Variants in PLXNA4 observed in about 807,000 individuals in gnomAD.
The protein encoded by PLXNA4 is plexin-A4.
PLXNA4 carries 44 observed loss-of-function variants against 191.8 expected under a neutral mutation model. The ratio of observed to expected loss-of-function variants is 0.23; its 90% CI spans 0.18 to 0.29. The LOEUF is 0.29. PLXNA4 is among the 10% of genes least tolerant of loss of function. PLXNA4 has a pLI of 1.00. For synonymous variants in PLXNA4, 1,082 were observed against 1,009.5 expected (o/e 1.07, Z -1.36); for missense variants, 1,800 against 2,488.8 (o/e 0.72, Z 5.89).
chr7:132,314,345 G>A (rs1311776508), intron 3 of PLXNA4, among the ~76,000 whole-genome samples: 1 of 152,136 alleles, frequency 6.6e-6, no homozygotes, highest in Non-Finnish European at 1.5e-5. Context: ...TTCCCACACT[G>A]ACCTAAGACT....
intron 1 of PLXNA4, among the ~76,000 whole-genome samples, chr7:132,541,271 C>T (rs1800069713): frequency 6.6e-6 from 1 of 152,194 alleles, no homozygotes; most frequent in African/African-American, 2.4e-5. Flanking sequence ...TTCCCCCTCC[C>T]CATAAGAGTA....
chr7:132,205,489 G>A (rs915940815), intron 10 of PLXNA4, among the ~76,000 whole-genome samples: 3 of 152,134 alleles, frequency 2.0e-5, no homozygotes, highest in African/African-American at 7.2e-5. Flanking sequence ...CTCCTTCCTT[G>A]TGTGTGTTTG....
At chr7:132,395,425 C>T (rs1793714771) in intron 3 of PLXNA4, among the ~76,000 whole-genome samples, 1 of 152,126 alleles carries the variant, frequency 6.6e-6, no homozygotes, top group African/African-American at 2.4e-5. Context: ...TGGGAGGGAC[C>T]CCAGAGAGAG....
intron 10 of PLXNA4, 30 bp downstream of exon 10, chr7:132,210,913 T>A: frequency 1.2e-6 from 2 of 1,600,356 alleles, no homozygotes; most frequent in Non-Finnish European, 1.7e-6. Flanking sequence ...TGGGGCCTGG[T>A]TTGGCAGTGG....
chr7:132,537,272 C>T (rs757215081), intron 1 of PLXNA4, among the ~76,000 whole-genome samples: 1 of 152,206 alleles, frequency 6.6e-6, no homozygotes, highest in Non-Finnish European at 1.5e-5. Context: ...CACCAGACTC[C>T]CCTCTAAGGC....
At chr7:132,140,300 A>G (rs1023841225) in intron 30 of PLXNA4, among the ~76,000 whole-genome samples, 2 of 151,386 alleles carry the variant, frequency 1.3e-5, no homozygotes, top group African/African-American at 4.9e-5. Context: ...GGTGAAGATC[A>G]GAGCTGGGAG....
chr7:132,166,770 G>A (rs749993241), intron 22 of PLXNA4, among the ~76,000 whole-genome samples: 23 of 152,080 alleles, frequency 1.5e-4, no homozygotes, highest in Non-Finnish European at 2.9e-4. Context: ...GTCGGTGGGA[G>A]CTCTGGCAGG....
At chr7:132,604,365 G>A (rs891288779) in intron 2 of PLXNA4, among the ~76,000 whole-genome samples, 9 of 152,074 alleles carry the variant, frequency 5.9e-5, no homozygotes, top group South Asian at 2.1e-4. Context: ...ATAGATATAC[G>A]GACAGGAAAC....
intron 2 of PLXNA4, among the ~76,000 whole-genome samples, chr7:132,623,116 G>A (rs1457910161): frequency 5.3e-5 from 8 of 152,112 alleles, no homozygotes; most frequent in African/African-American, 1.7e-4. Flanking sequence ...TGGCTGAGGC[G>A]GGTGGATCAC....
intron 3 of PLXNA4, among the ~76,000 whole-genome samples, chr7:132,413,137 C>G (rs945424089): frequency 6.6e-6 from 1 of 152,196 alleles, no homozygotes; most frequent in Non-Finnish European, 1.5e-5. Flanking sequence ...CTATTCTTCC[C>G]TGAGTGTTAC....
chr7:132,602,943 G>C (rs1802849355), intron 2 of PLXNA4, among the ~76,000 whole-genome samples: 1 of 152,156 alleles, frequency 6.6e-6, no homozygotes, highest in Non-Finnish European at 1.5e-5. Flanking sequence ...GAAAAAGAAA[G>C]AGAACTTCTC....
At position 132,414,791 on chromosome 7, in the gene PLXNA4, T is replaced by C. The variant is rs111991467; in HGVS notation, c.1371+74501A>G. On this transcript the variant is annotated intron_variant, in intron 3 of 31. Transcript: ENST00000321063. ...ATCATGAGAGGCATAGGATGTGCTA[T>C]GAGTTCCATGGAAACATGGCACCCA... is the stretch of plus-strand genomic sequence containing the variant. 6.1e-3 allele frequency among the ~76,000 whole-genome samples: 930 copies of C among 152,316 alleles called. 5 individuals carry two copies. The highest frequency in any genetic ancestry group is 7.9e-3 in the Non-Finnish European group (535 of 68,028).
chr7:132,439,859 T>C (rs1224047127), intron 3 of PLXNA4, among the ~76,000 whole-genome samples: 1 of 152,196 alleles, frequency 6.6e-6, no homozygotes, highest in Non-Finnish European at 1.5e-5. Flanking sequence ...AAGCACCTGG[T>C]TCCTGACCTC....
chr7:132,561,942 C>T (rs1359596282), intron 1 of PLXNA4, among the ~76,000 whole-genome samples: 17 of 103,044 alleles, frequency 1.6e-4, no homozygotes, highest in East Asian at 3.8e-4. Context: ...CTCCTCCTTA[C>T]CCTCCTCTTT....
intron 2 of PLXNA4, among the ~76,000 whole-genome samples, chr7:132,599,561 C>A (rs2116838205): frequency 6.6e-6 from 1 of 152,168 alleles, no homozygotes; most frequent in African/African-American, 2.4e-5. Context: ...TTAGGTAGAT[C>A]TGATACCCAG....
Position 132,508,020 on chromosome 7 carries a change from G to A in PLXNA4, c.674C>T (p.Ser225Leu), listed in dbSNP as rs1343967411. The change falls in exon 2 of 32, where the codon TCG (serine) becomes TTG (leucine). Residue 225 changes from serine to leucine, a missense_variant. Transcript: ENST00000321063. The surrounding 1 kb of genome is among the most constrained non-coding windows in gnomAD (Gnocchi z 4.4). ...AYVFHDEFVA[S>L]MIKIPSDTFT... ...GGTGTCCGAAGGGATCTTAATCATC[G>A]AGGCCACGAACTCATCATGGAAGAC... 6.2e-7 allele frequency: 1 copy of A among 1,614,180 alleles called. No individual in the cohort carries two copies. Among genetic ancestry groups the A allele is most frequent in the Admixed American group, 1.7e-5 (1 of 60,030 alleles).
At chr7:132,272,912 C>T (rs567539484) in intron 4 of PLXNA4, among the ~76,000 whole-genome samples, 2 of 152,224 alleles carry the variant, frequency 1.3e-5, no homozygotes, top group African/African-American at 2.4e-5. Context: ...GTATTCACTT[C>T]GGTTGTCACA....
intron 2 of PLXNA4, among the ~76,000 whole-genome samples, chr7:132,490,124 T>A (rs994258745): frequency 6.6e-6 from 1 of 152,230 alleles, no homozygotes; most frequent in Non-Finnish European, 1.5e-5. Flanking sequence ...CAGCTGGTGC[T>A]TTATGAGCTC....
chr7:132,568,660 T>C (rs1387759779), intron 1 of PLXNA4, among the ~76,000 whole-genome samples: 4 of 152,176 alleles, frequency 2.6e-5, no homozygotes, highest in Non-Finnish European at 5.9e-5. Flanking sequence ...TTCTTCACCA[T>C]TATTAAAAAG....
Sources: gnomAD v4.1 joint callset for allele counts (sites outside exome capture counted in the v4.1 genomes callset) on GRCh38, gnomAD v4.1.1 for gene constraint, Gnocchi (gnomAD v3.1) non-coding constraint, MANE v1.5 for transcripts, NCBI Gene and HGNC (gene_info 2026-07-23, HGNC 2026-07-21) for gene names.